NBEA: variants seen among roughly 807,000 people sequenced by gnomAD.
The protein encoded by NBEA is lysosomal-trafficking regulator 2.
Under a neutral mutation model 343.4 loss-of-function variants are expected in NBEA, and 44 were observed. That is an observed-to-expected ratio of 0.13 (90% confidence interval 0.10 to 0.16). The LOEUF is 0.16. Ranked by LOEUF, NBEA falls within the 10% of genes least tolerant of loss-of-function variation. The pLI, the probability that NBEA is intolerant of heterozygous loss-of-function variation, is 1.00. For missense variants in NBEA, 2,555 were observed against 3,631.3 expected, an observed-to-expected ratio of 0.70 and a Z score of 7.62; for synonymous variants, 1,175 against 1,238.7, an observed-to-expected ratio of 0.95 and a Z score of 1.08.
At chr13:35,463,197 A>G (rs1311542075) in intron 40 of NBEA, among the ~76,000 whole-genome samples, 1 of 152,242 alleles carries the variant, frequency 6.6e-6, no homozygotes, top group Admixed American at 6.5e-5. Context: ...AAAGAATCCT[A>G]TGCTTACGAG....
intron 33 of NBEA, among the ~76,000 whole-genome samples, chr13:35,219,950 G>T (rs2074272692): frequency 6.6e-6 from 1 of 152,084 alleles, no homozygotes; most frequent in Non-Finnish European, 1.5e-5. Context: ...CATACCCAGA[G>T]TGCTGTTTAA....
intron 12 of NBEA, among the ~76,000 whole-genome samples, chr13:35,109,745 A>T (rs1429086949): frequency 6.6e-6 from 1 of 152,118 alleles, no homozygotes. Context: ...AGAACAGATA[A>T]CTAATTGTAT....
At chr13:34,949,095 A>C (rs934226485) in intron 1 of NBEA, among the ~76,000 whole-genome samples, 1 of 152,214 alleles carries the variant, frequency 6.6e-6, no homozygotes, top group African/African-American at 2.4e-5. Context: ...CGCATGCAGT[A>C]TACGCCAGCC....
At chr13:35,143,222 C>T (rs186442740) in intron 18 of NBEA, among the ~76,000 whole-genome samples, 38 of 152,256 alleles carry the variant, frequency 2.5e-4, no homozygotes, top group African/African-American at 8.4e-4. Context: ...TTAGCTGTTG[C>T]GTGTAGCTGC....
chr13:35,210,071 A>G (rs2152751748), intron 32 of NBEA, among the ~76,000 whole-genome samples: 1 of 152,262 alleles, frequency 6.6e-6, no homozygotes, highest in Non-Finnish European at 1.5e-5. Flanking sequence ...AAAAATATGA[A>G]TAAAGTCCTT....
chr13:35,140,171 C>G (rs1196177985), intron 17 of NBEA, among the ~76,000 whole-genome samples: 3 of 151,440 alleles, frequency 2.0e-5, no homozygotes, highest in Non-Finnish European at 4.4e-5. Flanking sequence ...CCACTATGCC[C>G]AGCTAATTTT....
At chr13:35,522,237 A>C (rs1234762970) in intron 41 of NBEA, among the ~76,000 whole-genome samples, 1 of 151,816 alleles carries the variant, frequency 6.6e-6, no homozygotes, top group Non-Finnish European at 1.5e-5. Context: ...AGGGTGGATC[A>C]CCTGAGGATC....
At chr13:34,998,407 T>G (rs975656091) in intron 1 of NBEA, among the ~76,000 whole-genome samples, 27 of 152,150 alleles carry the variant, frequency 1.8e-4, no homozygotes, top group African/African-American at 6.5e-4. Flanking sequence ...AGACAACTGG[T>G]CTGACCAAAA....
chr13:35,382,377 G>A (rs551941684), intron 38 of NBEA, among the ~76,000 whole-genome samples: 112 of 152,130 alleles, frequency 7.4e-4, no homozygotes, highest in Middle Eastern at 3.4e-3. Context: ...AACAAATAAT[G>A]TAATTCTATT....
chr13:35,530,493 G>A (rs2078208225), intron 41 of NBEA, among the ~76,000 whole-genome samples: 1 of 152,164 alleles, frequency 6.6e-6, no homozygotes. Flanking sequence ...AGCTGTAGGG[G>A]CCCTTCTTGT....
At chr13:35,270,643 A>G (rs185380304) in intron 34 of NBEA, among the ~76,000 whole-genome samples, 9 of 152,260 alleles carry the variant, frequency 5.9e-5, no homozygotes, top group African/African-American at 1.9e-4. Context: ...TGCTTTTCCA[A>G]TAGTCTTCAC....
intron 55 of NBEA, among the ~76,000 whole-genome samples, chr13:35,656,188 C>T (rs148706062): frequency 2.0e-5 from 3 of 152,272 alleles, no homozygotes; most frequent in African/African-American, 7.2e-5. Flanking sequence ...TCCATTTATT[C>T]GTTTAGCAAA....
intron 41 of NBEA, among the ~76,000 whole-genome samples, chr13:35,509,215 G>A (rs1019054534): frequency 6.6e-6 from 1 of 152,164 alleles, no homozygotes; most frequent in African/African-American, 2.4e-5. Context: ...GTAGCTGGCT[G>A]GTAGCTGGTT....
intron 4 of NBEA, among the ~76,000 whole-genome samples, chr13:35,045,877 G>A (rs537777055): frequency 2.0e-5 from 3 of 151,856 alleles, no homozygotes; most frequent in Non-Finnish European, 2.9e-5. Context: ...ACAGACACCC[G>A]CCACCATGCC....
intron 44 of NBEA, among the ~76,000 whole-genome samples, chr13:35,559,944 A>AAAAAAG (rs2079783031): frequency 6.6e-6 from 1 of 152,046 alleles, no homozygotes; most frequent in African/African-American, 2.4e-5. Flanking sequence ...AAAAAAAAAA[A>AAAAAAG]AAAAAGAAAC....
chr13:35,646,023 C>T (rs2084211993), intron 50 of NBEA, 92 bp downstream of exon 50: 2 of 855,298 alleles, frequency 2.3e-6, no homozygotes, highest in Admixed American at 2.8e-5. Context: ...TTAACCCCAG[C>T]TTCTGGGAAT....
intron 40 of NBEA, among the ~76,000 whole-genome samples, chr13:35,469,099 CAAA>C (rs34222156): frequency 7.1e-5 from 6 of 85,020 alleles, no homozygotes; most frequent in African/African-American, 2.4e-4. Flanking sequence ...GACTCTATCT[CAAA>C]AAAAAAAAAA....
chr13:35,483,154 TTAA>T, intron 41 of NBEA, among the ~76,000 whole-genome samples: 1 of 152,078 alleles, frequency 6.6e-6, no homozygotes, highest in African/African-American at 2.4e-5. Flanking sequence ...ATGTGACAAA[TTAA>T]TACTTGGTAG....
Position 35,015,965 on chromosome 13 carries a change from CTT to C in NBEA, c.295-24966_295-24965del, listed in dbSNP as rs527469130. Among the ~76,000 whole-genome samples, 155 of 152,140 alleles carry C rather than the reference CTT, an allele frequency of 1.0e-3. 2 individuals are homozygous for C. The highest frequency in any genetic ancestry group is 3.7e-3 in the African/African-American group (152 of 41,526). ...TAGATATTAGTTTTTCTCATATAAT[CTT>C]TATCTTTTATTCATTCATTTGAAAG... On this transcript the variant is annotated intron_variant, in intron 1 of 58. Transcript: ENST00000379939.
Sources: gnomAD v4.1 joint callset for allele counts (sites outside exome capture counted in the v4.1 genomes callset) on GRCh38, gnomAD v4.1.1 for gene constraint, MANE v1.5 for transcripts, NCBI Gene and HGNC (gene_info 2026-07-23, HGNC 2026-07-21) for gene names.